Variants in DYNLT4 observed in about 807,000 individuals in gnomAD.
The protein encoded by DYNLT4 is dynein light chain Tctex-type 4.
In DYNLT4, 3 loss-of-function variants were observed where a neutral mutation model predicts 1.5. The ratio of observed to expected loss-of-function variants is 1.97; its 90% CI spans 0.90 to 5.08. DYNLT4 has a LOEUF of 5.08. Among genes scored for constraint, DYNLT4 ranks in the 30% most tolerant of loss-of-function variants. The pLI is 0.02. For synonymous variants in DYNLT4, 181 were observed against 160.0 expected (o/e 1.13, Z -0.99); for missense variants, 346 against 341.0 (o/e 1.01, Z -0.12).
chr1:44,806,255 C>A lies in DYNLT4; in HGVS notation c.414G>T (p.Ala138=), dbSNP rs767552700. 4.6e-6 allele frequency: 7 copies of A among 1,519,470 alleles called. No individual in the cohort carries two copies. In the African/African-American group the frequency reaches 8.3e-5, roughly 18 times the overall value. The allele number at this position is 1,519,470 out of a possible 1,614,324, so 94.1% of individuals were successfully genotyped here. Residue 138 remains alanine (A), a synonymous_variant, in exon 3 of 3, where the codon GCG becomes GCT. Transcript: ENST00000339355. ...EAALAAGLHD[A]CYSSDEAARL... ...GCGCGGCCTCGTCGCTGGAGTAGCA[C>A]GCGTCGTGCAGCCCTGCGGCCAGCG...
rs775517156 is a variant in DYNLT4, at chr1:44,806,372, C to T, written c.297G>A (p.Ala99=). The change falls in exon 3 of 3, where the codon GCG becomes GCA. Residue 99 remains alanine, a synonymous_variant. Coordinates refer to ENST00000339355, the MANE Select transcript of DYNLT4 (RefSeq NM_001377534.1). ...AGGAGGGCGCCACCCAACGGGCGGG[C>T]GCCAGGGGCAACCCTGAGAAGCTGA... ...SRVSFSGLPL[A]PARWVAPSYR... The T allele has an allele frequency of 1.3e-6, 2 of 1,524,758 alleles. No homozygotes were observed. The highest frequency in any genetic ancestry group is 1.8e-6 in the Non-Finnish European group (2 of 1,142,202). 94.5% of individuals were successfully genotyped at this position (1,524,758 alleles called of 1,614,324 possible).
Position 44,806,590 on chromosome 1 carries a change from G to T in DYNLT4, c.79C>A (p.Arg27=). ...KDSGRKPSPV[R]PRGCLPSIDE... Reference sequence around the variant, plus strand: ...ATGCTGGGCAGGCAGCCTCGGGGCCGCACCGGTGAGGGTTTCCGCCCGGAG... The same window carrying T: ...ATGCTGGGCAGGCAGCCTCGGGGCCTCACCGGTGAGGGTTTCCGCCCGGAG... Residue 27 remains arginine, a synonymous_variant, in exon 3 of 3, where the codon CGG becomes AGG. Coordinates refer to ENST00000339355, the MANE Select transcript of DYNLT4 (RefSeq NM_001377534.1). 1 of 1,487,002 alleles carries T rather than the reference G, an allele frequency of 6.7e-7. No individual in the cohort carries two copies. Among genetic ancestry groups the T allele is most frequent in the South Asian group, 1.3e-5 (1 of 75,970 alleles). The allele number at this position is 1,487,002 out of a possible 1,614,324, so 92.1% of individuals were successfully genotyped here. A position where few individuals can be genotyped will look rare whatever the true frequency, so the allele number is the denominator to read the frequency against.
rs1172083675 is a variant in DYNLT4 at position 44,806,230 on chromosome 1, G to A, written c.439C>T (p.Arg147Trp). 1 of 1,533,034 alleles carries A rather than the reference G, an allele frequency of 6.5e-7. No homozygotes were observed. Among genetic ancestry groups the A allele is most frequent in the Non-Finnish European group, 8.7e-7 (1 of 1,143,212 alleles). 95.0% of individuals were successfully genotyped at this position (1,533,034 alleles called of 1,614,324 possible). Residue 147 changes from arginine to tryptophan, a missense_variant, in exon 3 of 3, where the codon CGG becomes TGG. Arg to Trp is a moderately radical substitution (Grantham distance 101, BLOSUM62 -3). Transcript: ENST00000339355. ...DACYSSDEAA[R>W]LVRELCEQVH... ...TGCTCGCAGAGCTCCCGCACCAGCCGCGCGGCCTCGTCGCTGGAGTAGCAC... is the reference window on the plus strand; with the variant it reads ...TGCTCGCAGAGCTCCCGCACCAGCCACGCGGCCTCGTCGCTGGAGTAGCAC...
chr1:44,806,273 G>T lies in DYNLT4; in HGVS notation c.396C>A (p.Ala132=). Reference sequence around the variant, plus strand: ...AGTAGCACGCGTCGTGCAGCCCTGCGGCCAGCGCCGCCTCCAGGGCACGCT... The same window carrying T: ...AGTAGCACGCGTCGTGCAGCCCTGCTGCCAGCGCCGCCTCCAGGGCACGCT... ...RAQRALEAAL[A]AGLHDACYSS... is the part of the protein sequence containing the mutation. Residue 132 remains alanine, a synonymous_variant, in exon 3 of 3, where the codon GCC becomes GCA. Coordinates refer to ENST00000339355, the MANE Select transcript of DYNLT4 (RefSeq NM_001377534.1). 1 of 1,490,094 alleles carries T rather than the reference G, an allele frequency of 6.7e-7. No individual in the cohort carries two copies. The highest frequency in any genetic ancestry group is 1.3e-5 in the South Asian group (1 of 77,942). 92.3% of individuals were successfully genotyped at this position (1,490,094 alleles called of 1,614,324 possible).
In DYNLT4 at chr1:44,806,493, GCGGCCAGGCCCAGCATGGAGCCC is replaced by G. The variant is rs1557626988; in HGVS notation, c.153_175del (p.Gly52ValfsTer176). 10 of 1,511,738 alleles carry G rather than the reference GCGGCCAGGCCCAGCATGGAGCCC, an allele frequency of 6.6e-6. No individual in the cohort carries two copies. Among genetic ancestry groups the G allele is most frequent in the Non-Finnish European group, 8.8e-6 (10 of 1,136,700 alleles). The allele number at this position is 1,511,738 out of a possible 1,614,324, so 93.6% of individuals were successfully genotyped here. A position where few individuals can be genotyped will look rare whatever the true frequency, so the allele number is the denominator to read the frequency against. On this transcript the variant is annotated frameshift_variant, in exon 3 of 3. Coordinates refer to ENST00000339355, the MANE Select transcript of DYNLT4 (RefSeq NM_001377534.1). LOFTEE classifies it low-confidence loss of function (END_TRUNC). ...CAGCGAGTTGCGGCGGGAGAAGGACGCGGCCAGGCCCAGCATGGAGCCCCGGCGCGAGGCCGGGGCTGGACCTG... is the reference window on the plus strand; with the variant it reads ...CAGCGAGTTGCGGCGGGAGAAGGACGCGGCGCGAGGCCGGGGCTGGACCTG...
At position 44,806,353 on chromosome 1, in the gene DYNLT4, G is replaced by T. The variant is rs1353122677; in HGVS notation, c.316C>A (p.Pro106Thr). ...GGCACTGGCTCCGTGCGGTAGGAGGGCGCCACCCAACGGGCGGGCGCCAGG... is the reference window on the plus strand; with the variant it reads ...GGCACTGGCTCCGTGCGGTAGGAGGTCGCCACCCAACGGGCGGGCGCCAGG... ...LPLAPARWVA[P>T]SYRTEPVPGE... Residue 106 changes from proline (P) to threonine (T), a missense_variant, in exon 3 of 3, where the codon CCC becomes ACC. Transcript: ENST00000339355. 6.6e-7 allele frequency: 1 copy of T among 1,518,596 alleles called. No individual in the cohort carries two copies. The highest frequency in any genetic ancestry group is 8.8e-7 in the Non-Finnish European group (1 of 1,139,528). 94.1% of individuals were successfully genotyped at this position (1,518,596 alleles called of 1,614,324 possible). A position where few individuals can be genotyped will look rare whatever the true frequency, so the allele number is the denominator to read the frequency against.
rs778335730 is a variant in DYNLT4, at chr1:44,806,192, G to A, written c.477C>T (p.Arg159=). ...AGCGTGGCGGGCTGAGCTCGCGCAG[G>A]CGAACGTGCACCTGCTCGCAGAGCT... is the stretch of plus-strand genomic sequence containing the variant. The part of the protein sequence containing the change: ...VRELCEQVHV[R]LRELSPPRYK... Residue 159 remains arginine, a synonymous_variant, in exon 3 of 3, where the codon CGC becomes CGT. Coordinates refer to ENST00000339355, the MANE Select transcript of DYNLT4 (RefSeq NM_001377534.1). 8.4e-6 allele frequency: 13 copies of A among 1,549,980 alleles called. No individual in the cohort carries two copies. In the Admixed American group the frequency reaches 2.3e-4, roughly 28 times the overall value.
intron 1 of DYNLT4, 161 bp from the exon 2 acceptor site, chr1:44,806,999 C>A: frequency 1.0e-6 from 1 of 985,394 alleles, no homozygotes; most frequent in Non-Finnish European, 1.2e-6. Context: ...TCCCTTCCAC[C>A]CGACTTCTCT....
At position 44,806,272 on chromosome 1, in the gene DYNLT4, C is replaced by T. The variant is rs1284912162; in HGVS notation, c.397G>A (p.Ala133Thr). The T allele has an allele frequency of 4.0e-6, 6 of 1,489,138 alleles. No individual in the cohort carries two copies. In the African/African-American group the frequency reaches 5.7e-5, roughly 14 times the overall value. The allele number at this position is 1,489,138 out of a possible 1,614,324, so 92.2% of individuals were successfully genotyped here. A position where few individuals can be genotyped will look rare whatever the true frequency, so the allele number is the denominator to read the frequency against. ...AQRALEAALAAGLHDACYSSD... is the reference protein window; with the variant it reads ...AQRALEAALATGLHDACYSSD... Reference sequence around the variant, plus strand: ...GAGTAGCACGCGTCGTGCAGCCCTGCGGCCAGCGCCGCCTCCAGGGCACGC... The same window carrying T: ...GAGTAGCACGCGTCGTGCAGCCCTGTGGCCAGCGCCGCCTCCAGGGCACGC... The change falls in exon 3 of 3, where the codon GCA (alanine) becomes ACA (threonine). Residue 133 changes from alanine to threonine, a missense_variant. Ala to Thr is a moderately conservative substitution (Grantham distance 58, BLOSUM62 0). Coordinates refer to ENST00000339355, the MANE Select transcript of DYNLT4 (RefSeq NM_001377534.1).
At chr1:44,806,718 C>T (rs1207578072) in intron 2 of DYNLT4, 39 bp from the exon 3 acceptor site, 2 of 1,412,260 alleles carry the variant, frequency 1.4e-6, no homozygotes, top group Non-Finnish European at 9.2e-7. Flanking sequence ...CACCAGGCAT[C>T]TGTCTACCCA....
In DYNLT4 at chr1:44,806,248, A is replaced by T. The variant is rs1216887732; in HGVS notation, c.421T>A (p.Ser141Thr). Residue 141 changes from serine to threonine, a missense_variant, in exon 3 of 3, where the codon TCC becomes ACC. By Grantham distance (58) the Ser-to-Thr change is moderately conservative (BLOSUM62 1). Transcript: ENST00000339355. ...ACCAGCCGCGCGGCCTCGTCGCTGG[A>T]GTAGCACGCGTCGTGCAGCCCTGCG... Reference protein sequence around the residue: ...LAAGLHDACYSSDEAARLVRE... With the variant: ...LAAGLHDACYTSDEAARLVRE... The T allele has an allele frequency of 5.9e-6, 9 of 1,526,498 alleles. No individual in the cohort carries two copies. The East Asian group carries it at 2.2e-4, about 38-fold the overall frequency. The allele number at this position is 1,526,498 out of a possible 1,614,324, so 94.6% of individuals were successfully genotyped here.
At position 44,806,626 on chromosome 1, in the gene DYNLT4, TCTC is replaced by T. The variant is rs778847966; in HGVS notation, c.40_42del (p.Glu14del). On this transcript the variant is annotated inframe_deletion, in exon 3 of 3. Coordinates refer to ENST00000339355, the MANE Select transcript of DYNLT4 (RefSeq NM_001377534.1). Reference sequence around the variant, plus strand: ...GGTTTCCGCCCGGAGTCTTTGGCATTCTCCTCCTCCTGGCGTCCCGGGGGCAGA... The same window carrying T: ...GGTTTCCGCCCGGAGTCTTTGGCATTCTCCTCCTGGCGTCCCGGGGGCAGA... 4.8e-6 allele frequency: 7 copies of T among 1,469,174 alleles called. No individual in the cohort carries two copies. Among genetic ancestry groups the T allele is most frequent in the African/African-American group, 3.0e-5 (2 of 67,440 alleles). The allele number at this position is 1,469,174 out of a possible 1,614,324, so 91.0% of individuals were successfully genotyped here. A position where few individuals can be genotyped will look rare whatever the true frequency, so the allele number is the denominator to read the frequency against.
At position 44,806,661 on chromosome 1, in the gene DYNLT4, C is replaced by T. The variant is rs1161636185; in HGVS notation, c.8G>A (p.Ser3Asn). MA[S>N]RPLPPGRQEE... ...CTGGCGTCCCGGGGGCAGAGGCCTG[C>T]TGGCCATGGACCTGCTGGCTGGAGG... Residue 3 changes from serine (S) to asparagine (N), a missense_variant, in exon 3 of 3, where the codon AGC becomes AAC. Coordinates refer to ENST00000339355, the MANE Select transcript of DYNLT4 (RefSeq NM_001377534.1). 4 of 1,462,862 alleles carry T rather than the reference C, an allele frequency of 2.7e-6. No homozygotes were observed. The highest frequency in any genetic ancestry group is 1.5e-5 in the African/African-American group (1 of 67,374). The allele number at this position is 1,462,862 out of a possible 1,614,324, so 90.6% of individuals were successfully genotyped here.
rs750652807 is a variant in DYNLT4, at chr1:44,806,130, G to A, written c.539C>T (p.Ala180Val). The A allele has an allele frequency of 5.0e-6, 8 of 1,599,828 alleles. No homozygotes were observed. The highest frequency in any genetic ancestry group is 3.3e-5 in the South Asian group (3 of 89,582). The part of the protein sequence containing the change: ...LVCSVVLGPR[A>V]GQGVHVVSRA... Reference sequence around the variant, plus strand: ...GCTGACCACGTGAACGCCCTGGCCCGCGCGCGGCCCCAGCACCACACTGCA... The same window carrying A: ...GCTGACCACGTGAACGCCCTGGCCCACGCGCGGCCCCAGCACCACACTGCA... Residue 180 changes from alanine (A) to valine (V), a missense_variant, in exon 3 of 3, where the codon GCG becomes GTG. Physicochemically the swap from Ala to Val is moderately conservative, Grantham distance 64. Coordinates refer to ENST00000339355, the MANE Select transcript of DYNLT4 (RefSeq NM_001377534.1).
rs1387734107 is a variant in DYNLT4, at chr1:44,805,906, A to C, written c.*97T>G. ...AGCTAGGGGGCGTTATTTATGGACC[A>C]CTTTTATTTATTGTCAGACACTTAT... On this transcript the variant is annotated 3_prime_UTR_variant, in exon 3 of 3. Coordinates refer to ENST00000339355, the MANE Select transcript of DYNLT4 (RefSeq NM_001377534.1). The C allele has an allele frequency of 4.8e-6, 7 of 1,460,630 alleles. No homozygotes were observed. Among genetic ancestry groups the C allele is most frequent in the Non-Finnish European group, 6.3e-6 (7 of 1,102,396 alleles). 90.5% of individuals were successfully genotyped at this position (1,460,630 alleles called of 1,614,324 possible). A position where few individuals can be genotyped will look rare whatever the true frequency, so the allele number is the denominator to read the frequency against.
Position 44,806,468 on chromosome 1 carries a change from C to G in DYNLT4, c.201G>C (p.Leu67=). The change falls in exon 3 of 3, where the codon CTG becomes CTC. Residue 67 remains leucine, a synonymous_variant. Transcript: ENST00000339355. The stretch of plus-strand genomic sequence containing the variant: ...CCCCAGGACCCGCGCCTGGCCCGAC[C>G]AGCGAGTTGCGGCGGGAGAAGGACG... ...LAASFSRRNS[L]VGPGAGPGGQ... The G allele has an allele frequency of 6.6e-7, 1 of 1,523,490 alleles. No individual in the cohort carries two copies. Among genetic ancestry groups the G allele is most frequent in the Non-Finnish European group, 8.8e-7 (1 of 1,141,402 alleles). The allele number at this position is 1,523,490 out of a possible 1,614,324, so 94.4% of individuals were successfully genotyped here.
In DYNLT4 at chr1:44,806,280, G is replaced by A. The variant is rs1652073053; in HGVS notation, c.389C>T (p.Ala130Val). The A allele has an allele frequency of 1.3e-6, 2 of 1,484,494 alleles. No individual in the cohort carries two copies. Among genetic ancestry groups the A allele is most frequent in the Admixed American group, 2.3e-5 (1 of 42,774 alleles). The allele number at this position is 1,484,494 out of a possible 1,614,324, so 92.0% of individuals were successfully genotyped here. A position where few individuals can be genotyped will look rare whatever the true frequency, so the allele number is the denominator to read the frequency against. Residue 130 changes from alanine to valine, a missense_variant, in exon 3 of 3, where the codon GCG becomes GTG. Physicochemically the swap from Ala to Val is moderately conservative, Grantham distance 64. Coordinates refer to ENST00000339355, the MANE Select transcript of DYNLT4 (RefSeq NM_001377534.1). ...CGCGTCGTGCAGCCCTGCGGCCAGC[G>A]CCGCCTCCAGGGCACGCTGTGCACG... ...AARAQRALEA[A>V]LAAGLHDACY...
chr1:44,807,153 C>G, intron 1 of DYNLT4, 172 bp downstream of exon 1: 1 of 985,208 alleles, frequency 1.0e-6, no homozygotes, highest in Non-Finnish European at 1.2e-6. Flanking sequence ...CATCTTCCAC[C>G]CAGATCTACT....
Position 44,805,951 on chromosome 1 carries a change from A to G in DYNLT4, c.*52T>C. 6.6e-7 allele frequency: 1 copy of G among 1,508,502 alleles called. No homozygotes were observed. Among genetic ancestry groups the G allele is most frequent in the Non-Finnish European group, 8.9e-7 (1 of 1,128,794 alleles). The allele number at this position is 1,508,502 out of a possible 1,614,324, so 93.4% of individuals were successfully genotyped here. A position where few individuals can be genotyped will look rare whatever the true frequency, so the allele number is the denominator to read the frequency against. On this transcript the variant is annotated 3_prime_UTR_variant, in exon 3 of 3. Coordinates refer to ENST00000339355, the MANE Select transcript of DYNLT4 (RefSeq NM_001377534.1). ...ACTTATTTATTGGGATGTGAGCCCC[A>G]GGGGGGCCTCCTCCTAGGATAATAA...
Sources: gnomAD v4.1 joint callset for allele counts on GRCh38, gnomAD v4.1.1 for gene constraint, MANE v1.5 for transcripts, NCBI Gene and HGNC (gene_info 2026-07-23, HGNC 2026-07-21) for gene names.